The following CAT variants were observed in gnomAD, a reference collection of about 807,000 sequenced individuals.
The protein encoded by CAT is catalase.
CAT carries 43 observed loss-of-function variants against 59.0 expected under a neutral mutation model. The ratio of observed to expected loss-of-function variants is 0.73; its 90% CI spans 0.57 to 0.94. The LOEUF (loss-of-function observed/expected upper bound fraction) is 0.94. Ranked by LOEUF, CAT falls within the 40% of genes least tolerant of loss-of-function variation. The pLI is 0.00. For synonymous variants in CAT, 218 were observed against 230.9 expected, an observed-to-expected ratio of 0.94 and a Z score of 0.51; for missense variants, 664 against 682.9, an observed-to-expected ratio of 0.97 and a Z score of 0.31.
chr11:34,453,229 C>T (rs763538953), intron 5 of CAT, 35 bp downstream of exon 5: 10 of 1,229,366 alleles, frequency 8.1e-6, no homozygotes, highest in Middle Eastern at 3.8e-4. Flanking sequence ...ATTATATCAC[C>T]TGGGATGCAG....
At chr11:34,445,356 G>A (rs1241637800) in intron 1 of CAT, among the ~76,000 whole-genome samples, 1 of 151,232 alleles carries the variant, frequency 6.6e-6, no homozygotes, top group African/African-American at 2.4e-5. Context: ...AGCTGGGTGT[G>A]GTGGTGGTCG....
chr11:34,470,909 ATAG>A (rs1471652878), intron 11 of CAT, 46 bp from the exon 12 acceptor site: 2 of 1,429,920 alleles, frequency 1.4e-6, no homozygotes. Context: ...GGGGAGTGAT[ATAG>A]TAGGGAGTTA....
intron 12 of CAT, 21 bp from the exon 13 acceptor site, chr11:34,471,347 C>T (rs766717811): frequency 6.2e-6 from 10 of 1,607,066 alleles, no homozygotes; most frequent in South Asian, 3.3e-5. Context: ...TTAACCTGCT[C>T]ATCTTGTTCT....
At chr11:34,457,026 C>T (rs1242843663) in intron 8 of CAT, 1 of 585,296 alleles carries the variant, frequency 1.7e-6, no homozygotes, top group Non-Finnish European at 3.0e-6. Flanking sequence ...AAACAAAAGT[C>T]CATGGTAAGA....
At position 34,440,830 on chromosome 11, in the gene CAT, C is replaced by T. The variant is rs1040432977; in HGVS notation, c.66+1751C>T. Among the ~76,000 whole-genome samples, 17 of 152,132 alleles carry T rather than the reference C, an allele frequency of 1.1e-4. No homozygotes were observed. In the South Asian group the frequency reaches 1.2e-3, roughly 11 times the overall value. ...TGCCCGCCTTGGCCTCCCAAAGTAC[C>T]GAGATTACAGGTGTAATATTTTCAT... On this transcript the variant is annotated intron_variant, in intron 1 of 12. Coordinates refer to ENST00000241052, the MANE Select transcript of CAT (RefSeq NM_001752.4).
rs543582817 is a variant in CAT, at chr11:34,470,325, C to G, written c.1435-633C>G. Among the ~76,000 whole-genome samples the G allele has an allele frequency of 2.0e-5, 3 of 152,300 alleles. No individual in the cohort carries two copies. The East Asian group carries it at 5.8e-4, about 29-fold the overall frequency. On this transcript the variant is annotated intron_variant, in intron 11 of 12. Transcript: ENST00000241052. The stretch of plus-strand genomic sequence containing the variant: ...AAGGCCTCGGAGCTTCTGTGCCTCC[C>G]TGAGTGGACCACCCTTCTAGCTCCT...
At chr11:34,463,297 A>G (rs1478436635) in intron 9 of CAT, among the ~76,000 whole-genome samples, 1 of 152,228 alleles carries the variant, frequency 6.6e-6, no homozygotes, top group Non-Finnish European at 1.5e-5. Context: ...TTTTGATTGT[A>G]TTTGTCACTG....
chr11:34,469,937 A>G (rs1856756666), intron 11 of CAT, among the ~76,000 whole-genome samples: 1 of 152,068 alleles, frequency 6.6e-6, no homozygotes, highest in Admixed American at 6.6e-5. Flanking sequence ...AAGTGCTGGG[A>G]TTTCGGGCGT....
chr11:34,445,495 C>CAAAAAAAAAAAAAAAA (rs58169234), intron 1 of CAT, among the ~76,000 whole-genome samples: 8 of 36,350 alleles, frequency 2.2e-4, no homozygotes, highest in African/African-American at 7.4e-4. Context: ...GACTCCATCT[C>CAAAAAAAAAAAAAAAA]AAAAAAAAAA....
At chr11:34,464,372 A>G (rs754311309) in intron 10 of CAT, 137 bp downstream of exon 10, 30 of 939,564 alleles carry the variant, frequency 3.2e-5, no homozygotes, top group Non-Finnish European at 3.4e-5. Context: ...CATCTGTAAT[A>G]GTAAATTGGG....
intron 8 of CAT, among the ~76,000 whole-genome samples, chr11:34,460,448 T>C (rs1022769115): frequency 0.09 from 9,219 of 102,570 alleles, 168 homozygotes; most frequent in East Asian, 0.19. Flanking sequence ...GGGCGGTACT[T>C]TTTTTTTTTT....
At chr11:34,464,487 A>C (rs969565876) in intron 10 of CAT, among the ~76,000 whole-genome samples, 2 of 152,134 alleles carry the variant, frequency 1.3e-5, no homozygotes, top group Non-Finnish European at 2.9e-5. Context: ...GGATATGGGG[A>C]GGGGGCATTG....
intron 8 of CAT, among the ~76,000 whole-genome samples, chr11:34,460,511 C>A (rs959932726): frequency 7.0e-6 from 1 of 141,866 alleles, no homozygotes; most frequent in African/African-American, 2.7e-5. Context: ...TGCAGTGACA[C>A]GATTGCAGCT....
intron 10 of CAT, among the ~76,000 whole-genome samples, chr11:34,465,970 A>G (rs959449695): frequency 6.6e-6 from 1 of 152,190 alleles, no homozygotes; most frequent in African/African-American, 2.4e-5. Context: ...CTTTCCTCTT[A>G]AGGTATTTGT....
In CAT at chr11:34,453,071, C is replaced by T. The variant is rs779724542; in HGVS notation, c.481-19C>T. ...GTAAACTTAGTTTTTGGATTTTTTT[C>T]TCTCTTTTTTCTATTTAGTTTCCAT... On this transcript the variant is annotated intron_variant, in intron 4 of 12. Transcript: ENST00000241052. 1.3e-6 allele frequency: 2 copies of T among 1,517,086 alleles called. No individual in the cohort carries two copies. Among genetic ancestry groups the T allele is most frequent in the Admixed American group, 1.7e-5 (1 of 59,724 alleles). The allele number at this position is 1,517,086 out of a possible 1,614,324, so 94.0% of individuals were successfully genotyped here.
At position 34,449,299 on chromosome 11, in the gene CAT, T is replaced by G. The variant is rs776097063; in HGVS notation, c.174T>G (p.Thr58=). The change falls in exon 2 of 13, where the codon ACT becomes ACG. Residue 58 remains threonine, a synonymous_variant. Coordinates refer to ENST00000241052, the MANE Select transcript of CAT (RefSeq NM_001752.4). ...GPLLVQDVVF[T]DEMAHFDRER... is the part of the protein sequence containing the mutation. Reference sequence around the variant, plus strand: ...TTCTTGTTCAGGATGTGGTTTTCACTGATGAAATGGCTCATTTTGACCGAG... The same window carrying G: ...TTCTTGTTCAGGATGTGGTTTTCACGGATGAAATGGCTCATTTTGACCGAG... 3 of 1,614,084 alleles carry G rather than the reference T, an allele frequency of 1.9e-6. No individual in the cohort carries two copies. Among genetic ancestry groups the G allele is most frequent in the Admixed American group, 3.3e-5 (2 of 60,014 alleles).
Position 34,471,500 on chromosome 11 carries a change from G to A in CAT, c.*67G>A. On this transcript the variant is annotated 3_prime_UTR_variant, in exon 13 of 13. Transcript: ENST00000241052. ...CCGTGTAACCCGCTCATCACTGGAT[G>A]AAGATTCTCCTGTGCTAGATGTGCA... 7.4e-7 allele frequency: 1 copy of A among 1,346,398 alleles called. No homozygotes were observed. The highest frequency in any genetic ancestry group is 1.1e-6 in the Non-Finnish European group (1 of 935,856). 83.4% of individuals were successfully genotyped at this position (1,346,398 alleles called of 1,614,324 possible). A position where few individuals can be genotyped will look rare whatever the true frequency, so the allele number is the denominator to read the frequency against.
intron 6 of CAT, among the ~76,000 whole-genome samples, chr11:34,455,487 C>T (rs1856577897): frequency 6.8e-6 from 1 of 147,474 alleles, no homozygotes. Context: ...GGTGGCTGTA[C>T]TGAAGTTCTT....
At chr11:34,455,980 T>C (rs1484355226) in intron 6 of CAT, 31 bp from the exon 7 acceptor site, 1 of 1,597,676 alleles carries the variant, frequency 6.3e-7, no homozygotes, top group East Asian at 2.2e-5. Flanking sequence ...ACAATAAGTT[T>C]CCATTGGAGC....
Sources: allele counts gnomAD v4.1 joint callset (sites outside exome capture counted in the v4.1 genomes callset), GRCh38; gene constraint gnomAD v4.1.1; transcripts MANE v1.5; gene names NCBI Gene and HGNC (gene_info 2026-07-23, HGNC 2026-07-21).